MAP3K19: variants seen among roughly 807,000 people sequenced by gnomAD.
MAP3K19 encodes mitogen-activated protein kinase kinase kinase 19.
In MAP3K19, 91 loss-of-function variants were observed where a neutral mutation model predicts 114.4. The ratio of observed to expected loss-of-function variants is 0.80; its 90% CI spans 0.67 to 0.95. MAP3K19 has a LOEUF of 0.95. Ranked by LOEUF, MAP3K19 falls within the 40% of genes least tolerant of loss-of-function variation. The probability of loss-of-function intolerance (pLI) is 0.00; values close to 1 mark genes in which losing one functional copy is unlikely to be tolerated. For synonymous variants in MAP3K19, 518 were observed against 530.5 expected (o/e 0.98, Z 0.32); for missense variants, 1,471 against 1,573.2 (o/e 0.94, Z 1.10).
Position 134,968,104 on chromosome 2 carries a change from A to T in MAP3K19, c.3921-3188T>A, listed in dbSNP as rs553645236. ...TTCAAGCATCTGTTCAACAAAGCAC[A>T]TCTTGCACCGCCCCTAATCCATTTA... On this transcript the variant is annotated intron_variant, in intron 12 of 12. Transcript: ENST00000392915. 1.1e-3 allele frequency among the ~76,000 whole-genome samples: 174 copies of T among 152,254 alleles called. 1 individual carries two copies. Among genetic ancestry groups the T allele is most frequent in the African/African-American group, 4.1e-3 (170 of 41,542 alleles).
chr2:134,964,854 T>A lies in MAP3K19; in HGVS notation c.3983A>T (p.His1328Leu). Residue 1328 changes from histidine (H) to leucine (L), a missense_variant, in exon 13 of 13, where the codon CAC becomes CTC. His to Leu is a moderately conservative substitution (Grantham distance 99). Transcript: ENST00000392915. ...GAAGAAAGTCTTGATGTATATTCAG[T>A]GACTTCTCTCCAAGAAGGAGTGCTT... ...LLKHSFLERS[H>L] is the part of the protein sequence containing the mutation. The A allele has an allele frequency of 1.2e-6, 2 of 1,612,662 alleles. No homozygotes were observed. The highest frequency in any genetic ancestry group is 1.7e-6 in the Non-Finnish European group (2 of 1,178,900).
chr2:134,968,896 T>A (rs1177858465), intron 12 of MAP3K19, among the ~76,000 whole-genome samples: 3 of 137,954 alleles, frequency 2.2e-5, no homozygotes, highest in Non-Finnish European at 3.1e-5. Context: ...GCTCCTCACA[T>A]CCCAGACGAT....
rs780046757 is a variant in MAP3K19 at position 134,986,602 on chromosome 2, T to C, written c.2270A>G (p.Glu757Gly). The change falls in exon 10 of 13, where the codon GAA becomes GGA. Residue 757 changes from glutamate to glycine, a missense_variant. Coordinates refer to ENST00000392915, the MANE Select transcript of MAP3K19 (RefSeq NM_025052.5). ...KAVHSNLHDI[E>G]NGDGISEPDW... ...TGGTTCTGAAATACCATCACCATTT[T>C]CAATGTCATGTAGGTTGCTATGTAC... is the stretch of plus-strand genomic sequence containing the variant. The C allele has an allele frequency of 1.2e-6, 2 of 1,614,088 alleles. No homozygotes were observed. Among genetic ancestry groups the C allele is most frequent in the Non-Finnish European group, 1.7e-6 (2 of 1,180,040 alleles).
chr2:135,027,036 A>T (rs1558742143), intron 3 of MAP3K19, among the ~76,000 whole-genome samples: 1 of 152,182 alleles, frequency 6.6e-6, no homozygotes, highest in Non-Finnish European at 1.5e-5. Context: ...GCTTGAGGGC[A>T]GGGGTTTGAG....
chr2:134,969,534 A>C (rs1683714435), intron 12 of MAP3K19, among the ~76,000 whole-genome samples: 1 of 152,144 alleles, frequency 6.6e-6, no homozygotes, highest in Non-Finnish European at 1.5e-5. Context: ...CCTGTGGGCT[A>C]TTTGTGTCTT....
At chr2:135,003,542 G>GTGTTTGTTTGTTTGTTTGTTTGTT (rs10692556) in intron 6 of MAP3K19, among the ~76,000 whole-genome samples, 1 of 151,452 alleles carries the variant, frequency 6.6e-6, no homozygotes, top group African/African-American at 2.4e-5. Flanking sequence ...TGAGAAAATA[G>GTGTTTGTTTGTTTGTTTGTTTGTT]TGTTTGTTTG....
chr2:135,023,194 G>A (rs992557404), intron 4 of MAP3K19: 31 of 279,888 alleles, frequency 1.1e-4, no homozygotes, highest in African/African-American at 6.2e-4. Context: ...CCATTGAAAC[G>A]TCTCACATCC....
Position 135,033,506 on chromosome 2 carries a change from C to T in MAP3K19, c.-283-3006G>A, listed in dbSNP as rs1369229326. On this transcript the variant is annotated intron_variant, in intron 2 of 12. Transcript: ENST00000392915. ...GCTGGCCGGGCAGAGGGGCTCCTCA[C>T]TTCCCAGTAGGGGCAGCCGGGCAGA... 2.7e-5 allele frequency among the ~76,000 whole-genome samples: 3 copies of T among 112,890 alleles called. 1 individual carries two copies. The highest frequency in any genetic ancestry group is 3.4e-5 in the Non-Finnish European group (2 of 59,274). The allele number at this position is 112,890 out of a possible 152,430, so 74.1% of individuals were successfully genotyped here. A position where few individuals can be genotyped will look rare whatever the true frequency, so the allele number is the denominator to read the frequency against.
intron 4 of MAP3K19, chr2:135,023,324 G>A (rs992931600): frequency 1.4e-5 from 6 of 425,202 alleles, no homozygotes; most frequent in African/African-American, 2.0e-5. Context: ...TGTCCCCACC[G>A]CTCCTCTCTA....
rs777361527 is a variant in MAP3K19 at position 134,987,071 on chromosome 2, G to A, written c.1801C>T (p.Gln601Ter). The stretch of plus-strand genomic sequence containing the variant: ...GGTTTCTGAGTCCGGTGAGTTGATT[G>A]CTTCTTTGCTATCTGTGGCATTTTC... Reference protein sequence around the residue: ...QKKMPQIAKKQSTHRTQKPKK... With the variant: ...QKKMPQIAKK The change falls in exon 10 of 13, where the codon CAA (glutamine) becomes TAA (stop). Residue 601 changes from glutamine (Q) to a stop codon, truncating the protein, a stop_gained. Transcript: ENST00000392915. LOFTEE classifies it high-confidence loss of function. 6.2e-7 allele frequency: 1 copy of A among 1,612,762 alleles called. No individual in the cohort carries two copies. The highest frequency in any genetic ancestry group is 2.2e-5 in the East Asian group (1 of 44,876).
chr2:134,991,321 A>G (rs1573964142), intron 9 of MAP3K19: 1 of 553,724 alleles, frequency 1.8e-6, no homozygotes, highest in East Asian at 3.1e-5. Flanking sequence ...ACAAAACAAA[A>G]CAAAACAAAA....
At chr2:135,011,491 C>A (rs193163262) in intron 5 of MAP3K19, among the ~76,000 whole-genome samples, 6,105 of 148,578 alleles carry the variant, frequency 0.041, 150 homozygotes, top group African/African-American at 0.055. Context: ...GAGCCGAGAT[C>A]GCGCCACTGT....
At chr2:135,037,548 T>G (rs1688559742) in intron 2 of MAP3K19, among the ~76,000 whole-genome samples, 2 of 152,190 alleles carry the variant, frequency 1.3e-5, no homozygotes, top group South Asian at 4.1e-4. Flanking sequence ...CAAGATAGTG[T>G]AGAAATGAGG....
In MAP3K19 at chr2:134,987,686, CT is replaced by C. The variant is rs1573953876; in HGVS notation, c.1185del (p.Glu396LysfsTer7). 1 of 1,613,460 alleles carries C rather than the reference CT, an allele frequency of 6.2e-7. No individual in the cohort carries two copies. On this transcript the variant is annotated frameshift_variant, in exon 10 of 13. Transcript: ENST00000392915. LOFTEE classifies it high-confidence loss of function. ...EIVCTIPSKF[Q>X]ETQHSEITPS... ...GGAGTTATTTCTGAATGCTGGGTTTCTTGGAACTTGCTTGGAATGGTACATA... is the reference window on the plus strand; with the variant it reads ...GGAGTTATTTCTGAATGCTGGGTTTCTGGAACTTGCTTGGAATGGTACATA...
intron 3 of MAP3K19, among the ~76,000 whole-genome samples, chr2:135,028,395 A>C (rs1420778626): frequency 1.3e-5 from 2 of 151,988 alleles, no homozygotes; most frequent in Non-Finnish European, 2.9e-5. Flanking sequence ...ATCTCTACTA[A>C]AAATACAAAA....
intron 5 of MAP3K19, among the ~76,000 whole-genome samples, chr2:135,006,251 C>G (rs1053396374): frequency 1.3e-5 from 2 of 152,142 alleles, no homozygotes; most frequent in Admixed American, 1.3e-4. Context: ...TTTCTAGAAC[C>G]ATGATAGATC....
At chr2:135,044,406 C>T (rs578233136) in intron 1 of MAP3K19, among the ~76,000 whole-genome samples, 16 of 152,258 alleles carry the variant, frequency 1.1e-4, no homozygotes, top group Admixed American at 3.3e-4. Context: ...ACTTGGCCAA[C>T]GTGGTGAAAC....
Position 135,047,364 on chromosome 2 carries a change from C to G in MAP3K19, c.-603G>C, listed in dbSNP as rs1257850457. ...AGATTTTTTTTTCAGTGTTGTACAG[C>G]CCAAATAATTTTTCCTTTTAAATTT... On this transcript the variant is annotated 5_prime_UTR_variant, in exon 1 of 13. Coordinates refer to ENST00000392915, the MANE Select transcript of MAP3K19 (RefSeq NM_025052.5). 2.0e-5 allele frequency: 3 copies of G among 152,206 alleles called. No individual in the cohort carries two copies. Among genetic ancestry groups the G allele is most frequent in the South Asian group, 2.1e-4 (1 of 4,818 alleles). 9.4% of individuals were successfully genotyped at this position (152,206 alleles called of 1,614,324 possible).
At chr2:135,004,463 C>G (rs1303555564) in intron 6 of MAP3K19, among the ~76,000 whole-genome samples, 2 of 152,152 alleles carry the variant, frequency 1.3e-5, no homozygotes, top group African/African-American at 4.8e-5. Flanking sequence ...CCGGAGGAGA[C>G]GCTACTCGGG....
Sources: gnomAD v4.1 joint callset for allele counts (sites outside exome capture counted in the v4.1 genomes callset) on GRCh38, gnomAD v4.1.1 for gene constraint, MANE v1.5 for transcripts, NCBI Gene and HGNC (gene_info 2026-07-23, HGNC 2026-07-21) for gene names.